Variants in ZNF536 observed in about 807,000 individuals in gnomAD.
ZNF536 encodes the protein zinc finger protein 536.
In ZNF536, 13 loss-of-function variants were observed where a neutral mutation model predicts 84.5. That is an observed-to-expected ratio of 0.15 (90% confidence interval 0.10 to 0.24). The LOEUF (loss-of-function observed/expected upper bound fraction) is 0.24. Ranked by LOEUF, ZNF536 falls within the 10% of genes least tolerant of loss-of-function variation. The pLI, the probability that ZNF536 is intolerant of heterozygous loss-of-function variation, is 1.00. For synonymous variants in ZNF536, 811 were observed against 742.5 expected, an observed-to-expected ratio of 1.09 and a Z score of -1.50; for missense variants, 1,536 against 1,747.5, an observed-to-expected ratio of 0.88 and a Z score of 2.16.
At chr19:30,664,204 T>TTCTC (rs71173915) in intron 1 of ZNF536, among the ~76,000 whole-genome samples, 952 of 90,438 alleles carry the variant, frequency 0.011, 16 homozygotes, top group Non-Finnish European at 0.014. Flanking sequence ...TTGCTGAGTT[T>TTCTC]TCTCTCTCTC....
At chr19:30,378,524 G>A (rs1462128057) in intron 1 of ZNF536, among the ~76,000 whole-genome samples, 1 of 152,166 alleles carries the variant, frequency 6.6e-6, no homozygotes, top group African/African-American at 2.4e-5. Flanking sequence ...TCGAACTCCT[G>A]CCACATTTGG....
chr19:30,315,949 C>T (rs57856051), intron 2 of ZNF536, among the ~76,000 whole-genome samples: 3,967 of 152,158 alleles, frequency 0.026, 212 homozygotes, highest in African/African-American at 0.091. Flanking sequence ...ACATCAGATA[C>T]ATAGGAGGTG....
intron 1 of ZNF536, among the ~76,000 whole-genome samples, chr19:30,607,644 C>T (rs999015463): frequency 4.6e-5 from 7 of 151,128 alleles, no homozygotes; most frequent in African/African-American, 1.7e-4. Flanking sequence ...ATCACTTGAA[C>T]CTGGGAGGCA....
At chr19:30,389,800 G>A (rs1351255899) in intron 1 of ZNF536, among the ~76,000 whole-genome samples, 3 of 152,218 alleles carry the variant, frequency 2.0e-5, no homozygotes. Context: ...GAGAGCTGCT[G>A]TGGGCCCCTC....
intron 1 of ZNF536, among the ~76,000 whole-genome samples, chr19:30,659,436 G>T (rs1179217379): frequency 6.6e-6 from 1 of 152,066 alleles, no homozygotes; most frequent in Non-Finnish European, 1.5e-5. Context: ...CTCCCACCAG[G>T]TCCCACCTCC....
intron 1 of ZNF536, among the ~76,000 whole-genome samples, chr19:30,613,974 T>A (rs919927588): frequency 6.6e-6 from 1 of 152,224 alleles, no homozygotes; most frequent in African/African-American, 2.4e-5. Flanking sequence ...GCGATTCTTC[T>A]GTCTCAGCCT....
At position 30,534,922 on chromosome 19, in the gene ZNF536, C is replaced by T. The variant is rs2145934900; in HGVS notation, c.2246C>T (p.Ala749Val). Residue 749 changes from alanine (A) to valine (V), a missense_variant, in exon 3 of 5, where the codon GCC (alanine) becomes GTC (valine). By Grantham distance (64) the Ala-to-Val change is moderately conservative (BLOSUM62 0). Transcript: ENST00000355537. ...ALLRDRSLGS[A>V]MKDCPYCGKT... ...CTTCGCGACAGAAGCCTGGGCTCGGCCATGAAGGACTGCCCGTACTGTGGG... is the reference window on the plus strand; with the variant it reads ...CTTCGCGACAGAAGCCTGGGCTCGGTCATGAAGGACTGCCCGTACTGTGGG... 6.2e-7 allele frequency: 1 copy of T among 1,613,952 alleles called. No individual in the cohort carries two copies. Among genetic ancestry groups the T allele is most frequent in the Non-Finnish European group, 8.5e-7 (1 of 1,179,894 alleles).
chr19:30,281,731 A>C (rs2045452021), intron 1 of ZNF536, among the ~76,000 whole-genome samples: 1 of 152,172 alleles, frequency 6.6e-6, no homozygotes, highest in Non-Finnish European at 1.5e-5. Context: ...CTGAAAACGC[A>C]CCTGTGGAGG....
At chr19:30,559,777 G>A (rs2046092877), downstream of ZNF536, among the ~76,000 whole-genome samples, 3 of 152,268 alleles carry the variant, frequency 2.0e-5, no homozygotes, top group South Asian at 4.2e-4. Context: ...AGGCTCCCTG[G>A]AGCCGTGTAT....
At chr19:30,438,478 G>A (rs1031278926) in intron 1 of ZNF536, among the ~76,000 whole-genome samples, 32 of 152,176 alleles carry the variant, frequency 2.1e-4, no homozygotes, top group African/African-American at 7.7e-4. Context: ...GGGTCAGTGG[G>A]GCGTGTAGGC....
chr19:30,602,281 C>T (rs1426020343), intron 1 of ZNF536, among the ~76,000 whole-genome samples: 1 of 152,222 alleles, frequency 6.6e-6, no homozygotes, highest in Non-Finnish European at 1.5e-5. Context: ...TGGATTCCTT[C>T]TTTCTTCTTT....
chr19:30,486,536 A>G (rs1456330662), intron 2 of ZNF536, among the ~76,000 whole-genome samples: 1 of 152,146 alleles, frequency 6.6e-6, no homozygotes, highest in Non-Finnish European at 1.5e-5. Context: ...TGTCTTTGCT[A>G]TTGTGAATAG....
rs57656065 is a variant in ZNF536, at chr19:30,667,625, C to CTTTTTTTTTTTT, written c.170-43128_170-43117dup. Among the ~76,000 whole-genome samples the CTTTTTTTTTTTT allele has an allele frequency of 2.5e-3, 304 of 123,984 alleles. 13 individuals carry two copies. Among genetic ancestry groups the CTTTTTTTTTTTT allele is most frequent in the African/African-American group, 6.0e-3 (189 of 31,274 alleles). 81.3% of individuals were successfully genotyped at this position (123,984 alleles called of 152,430 possible). Reference sequence around the variant, plus strand: ...CTCTCTCAGCTAGAGTTTTTTCTAGCTTTTTTTTTTTTTTTAATTAATGAG... The same window carrying CTTTTTTTTTTTT: ...CTCTCTCAGCTAGAGTTTTTTCTAGCTTTTTTTTTTTTTTTTTTTTTTTTTTTAATTAATGAG... On this transcript the variant is annotated intron_variant, in intron 1 of 1. Coordinates refer to the ZNF536 transcript ENST00000592773.
chr19:30,471,590 T>C (rs1294417632), intron 2 of ZNF536, among the ~76,000 whole-genome samples: 1 of 152,202 alleles, frequency 6.6e-6, no homozygotes, highest in East Asian at 1.9e-4. Flanking sequence ...CAGCTGTCCT[T>C]GATCCCTGGA....
chr19:30,241,031 A>T (rs902381976), intron 1 of ZNF536, among the ~76,000 whole-genome samples: 1 of 152,156 alleles, frequency 6.6e-6, no homozygotes, highest in Non-Finnish European at 1.5e-5. Flanking sequence ...TAAACAAATA[A>T]TTCAGGCCTG....
intron 1 of ZNF536, among the ~76,000 whole-genome samples, chr19:30,590,375 C>G (rs2047234354): frequency 6.6e-6 from 1 of 152,190 alleles, no homozygotes; most frequent in Non-Finnish European, 1.5e-5. Flanking sequence ...TCCTAGGGCA[C>G]TTGGGCCCTG....
chr19:30,353,634 T>C (rs749107719), intron 3 of ZNF536, among the ~76,000 whole-genome samples: 1 of 152,140 alleles, frequency 6.6e-6, no homozygotes, highest in African/African-American at 2.4e-5. Flanking sequence ...GTTTGGCTAG[T>C]TCCTTCCACA....
chr19:30,254,155 T>C (rs1337473198), intron 1 of ZNF536, among the ~76,000 whole-genome samples: 1 of 152,196 alleles, frequency 6.6e-6, no homozygotes, highest in Non-Finnish European at 1.5e-5. Flanking sequence ...AGATTATGTC[T>C]ATCTAGTTAC....
intron 1 of ZNF536, among the ~76,000 whole-genome samples, chr19:30,644,616 GT>G (rs1386719334): frequency 6.6e-6 from 1 of 152,114 alleles, no homozygotes; most frequent in Non-Finnish European, 1.5e-5. Flanking sequence ...AACATGCGGT[GT>G]TTGGTTTTTT....
Sources: allele counts gnomAD v4.1 joint callset (sites outside exome capture counted in the v4.1 genomes callset), GRCh38; gene constraint gnomAD v4.1.1; transcripts MANE v1.5; gene names NCBI Gene and HGNC (gene_info 2026-07-23, HGNC 2026-07-21).